ABI3BP: variants seen among roughly 807,000 people sequenced by gnomAD.
The protein encoded by ABI3BP is target of Nesh-SH3.
ABI3BP carries 216 observed loss-of-function variants against 268.6 expected under a neutral mutation model. The ratio of observed to expected loss-of-function variants is 0.80; its 90% confidence interval spans 0.72 to 0.90. The LOEUF is 0.90. Among genes scored for constraint, ABI3BP ranks in the 40% least tolerant of loss-of-function variants. The pLI is 0.00. For synonymous variants in ABI3BP, 730 were observed against 730.0 expected (o/e 1.00, Z 0.00); for missense variants, 2,090 against 2,182.4 (o/e 0.96, Z 0.84).
intron 49 of ABI3BP, 141 bp from the exon 50 acceptor site, chr3:100,808,376 A>G (rs867455340): frequency 3.8e-6 from 2 of 524,342 alleles, no homozygotes; most frequent in African/African-American, 4.0e-5. Context: ...TCTGCAAAGT[A>G]TAGGAAGGTA....
chr3:100,901,706 C>A (rs1225051931), intron 3 of ABI3BP, among the ~76,000 whole-genome samples: 1 of 151,256 alleles, frequency 6.6e-6, no homozygotes, highest in Non-Finnish European at 1.5e-5. Flanking sequence ...GCGGAGCTTG[C>A]AGTGAGCTGA....
At chr3:100,832,152 T>C in intron 31 of ABI3BP, 112 bp downstream of exon 31, 1 of 1,002,970 alleles carries the variant, frequency 1.0e-6, no homozygotes, top group Non-Finnish European at 1.4e-6. Context: ...CAGTAGCTTT[T>C]ACTCTTAAGA....
chr3:100,846,752 A>G (rs1013515585), intron 19 of ABI3BP, among the ~76,000 whole-genome samples: 4 of 152,324 alleles, frequency 2.6e-5, no homozygotes, highest in Non-Finnish European at 4.4e-5. Context: ...TGATTTTTAA[A>G]AATCAGTCTA....
intron 57 of ABI3BP, among the ~76,000 whole-genome samples, chr3:100,782,429 C>G (rs915022840): frequency 1.3e-5 from 2 of 152,022 alleles, no homozygotes; most frequent in African/African-American, 4.8e-5. Flanking sequence ...TCTTATGATC[C>G]TTAGACATAA....
At chr3:100,831,951 T>C (rs997923201) in intron 31 of ABI3BP, among the ~76,000 whole-genome samples, 2 of 152,184 alleles carry the variant, frequency 1.3e-5, no homozygotes, top group African/African-American at 4.8e-5. Flanking sequence ...TGGACTAATA[T>C]GGCTTTGGGG....
chr3:100,830,653 A>G lies in ABI3BP; in HGVS notation c.2402-19T>C. ...GCAGGAACTGATCAAAAGTAATAAAAGAAACCAAAGAGATTTTGTGAATGC... is the reference window on the plus strand; with the variant it reads ...GCAGGAACTGATCAAAAGTAATAAAGGAAACCAAAGAGATTTTGTGAATGC... On this transcript the variant is annotated intron_variant, in intron 31 of 67. Transcript: ENST00000471714. 6.6e-7 allele frequency: 1 copy of G among 1,519,632 alleles called. No homozygotes were observed. The highest frequency in any genetic ancestry group is 8.8e-7 in the Non-Finnish European group (1 of 1,136,508). 94.1% of individuals were successfully genotyped at this position (1,519,632 alleles called of 1,614,324 possible). A position where few individuals can be genotyped will look rare whatever the true frequency, so the allele number is the denominator to read the frequency against.
rs189011252 is a variant in ABI3BP, at chr3:100,850,015, A to C, written c.1501+30T>G. The stretch of plus-strand genomic sequence containing the variant: ...CTCACATTACCTGTTTCGTCAATGC[A>C]TACATAACTACATAAATGTCATTAG... On this transcript the variant is annotated intron_variant, in intron 17 of 67. Transcript: ENST00000471714. 1.3e-4 allele frequency: 203 copies of C among 1,587,932 alleles called. No individual in the cohort carries two copies. In the African/African-American group the frequency reaches 2.4e-3, roughly 19 times the overall value.
chr3:100,848,173 C>T (rs2098795661), intron 18 of ABI3BP, among the ~76,000 whole-genome samples: 1 of 152,084 alleles, frequency 6.6e-6, no homozygotes, highest in South Asian at 2.1e-4. Context: ...AGAGTCATGT[C>T]CTCTCTAACT....
chr3:100,805,784 T>G (rs1183810282), intron 50 of ABI3BP, among the ~76,000 whole-genome samples: 1 of 152,036 alleles, frequency 6.6e-6, no homozygotes, highest in Admixed American at 6.6e-5. Flanking sequence ...TTTTTTAAGG[T>G]GAAACAATAA....
chr3:100,982,603 C>T (rs1163898607), intron 1 of ABI3BP, among the ~76,000 whole-genome samples: 3 of 151,960 alleles, frequency 2.0e-5, no homozygotes, highest in Admixed American at 1.3e-4. Flanking sequence ...ACCCATGGTG[C>T]TAATTTTCAG....
At chr3:100,982,254 G>A (rs1030743212) in intron 1 of ABI3BP, among the ~76,000 whole-genome samples, 7 of 152,084 alleles carry the variant, frequency 4.6e-5, no homozygotes, top group Non-Finnish European at 8.8e-5. Flanking sequence ...ATTACAATTC[G>A]AGACAAGATT....
chr3:100,769,145 A>T (rs576818260), intron 62 of ABI3BP, among the ~76,000 whole-genome samples: 2 of 152,380 alleles, frequency 1.3e-5, no homozygotes, highest in South Asian at 4.1e-4. Context: ...TTAAGGGAAC[A>T]CTAAAACAAA....
chr3:100,846,578 G>C (rs1313597261), intron 19 of ABI3BP, 132 bp from the exon 20 acceptor site: 15 of 586,078 alleles, frequency 2.6e-5, no homozygotes, highest in Non-Finnish European at 3.8e-5. Context: ...GAAGATTTTG[G>C]AAATATTCCA....
intron 17 of ABI3BP, among the ~76,000 whole-genome samples, chr3:100,849,665 C>G (rs1246263670): frequency 6.6e-6 from 1 of 152,136 alleles, no homozygotes. Context: ...ACTGCAAAGC[C>G]TACTTGGTGC....
chr3:100,911,715 A>C, intron 2 of ABI3BP: 1 of 800,456 alleles, frequency 1.2e-6, no homozygotes. Flanking sequence ...CCTGTGAAAA[A>C]GTCCTCTTTG....
chr3:100,833,780 G>C (rs966409375), intron 29 of ABI3BP, among the ~76,000 whole-genome samples: 1 of 152,142 alleles, frequency 6.6e-6, no homozygotes, highest in African/African-American at 2.4e-5. Flanking sequence ...TCCAATCATC[G>C]AAGTCAGGCA....
At position 100,892,009 on chromosome 3, in the gene ABI3BP, C is replaced by T. The variant is rs1582200478; in HGVS notation, c.462-5686G>A. ...ATTTTAAATCCCATTCCATTGACGT[C>T]GTTTACTTCAGGACATACTACCCAG... On this transcript the variant is annotated intron_variant, in intron 4 of 67. Coordinates refer to ENST00000471714, the MANE Select transcript of ABI3BP (RefSeq NM_001375547.2). Among the ~76,000 whole-genome samples the T allele has an allele frequency of 3.3e-5, 5 of 152,144 alleles. No homozygotes were observed. The South Asian group carries it at 1.0e-3, about 32-fold the overall frequency.
chr3:100,882,139 T>C (rs542495745), intron 6 of ABI3BP, among the ~76,000 whole-genome samples: 1 of 152,342 alleles, frequency 6.6e-6, no homozygotes. Context: ...GGTGTAAGCA[T>C]GTTCATATGA....
At chr3:100,916,445 G>A (rs1043262704) in intron 2 of ABI3BP, among the ~76,000 whole-genome samples, 1 of 152,148 alleles carries the variant, frequency 6.6e-6, no homozygotes, top group African/African-American at 2.4e-5. Context: ...TATAGGCCAC[G>A]GAGAAAAGCA....
Sources: gnomAD v4.1 joint callset for allele counts (sites outside exome capture counted in the v4.1 genomes callset) on GRCh38, gnomAD v4.1.1 for gene constraint, MANE v1.5 for transcripts, NCBI Gene and HGNC (gene_info 2026-07-23, HGNC 2026-07-21) for gene names.